POLK: variants seen among roughly 807,000 people sequenced by gnomAD.
POLK encodes the protein polymerase (DNA directed) kappa.
In POLK, 76 loss-of-function variants were observed where a neutral mutation model predicts 94.0. The observed-to-expected ratio is 0.81, with a 90% CI of 0.67 to 0.98. The LOEUF is 0.98. POLK is among the 50% of genes least tolerant of loss of function. The pLI is 0.00. For missense variants in POLK, 954 were observed against 1,010.1 expected, an observed-to-expected ratio of 0.94 and a Z score of 0.75; for synonymous variants, 349 against 325.4, an observed-to-expected ratio of 1.07 and a Z score of -0.78.
chr5:75,564,537 C>G (rs1044804417), intron 3 of POLK, among the ~76,000 whole-genome samples: 1 of 152,120 alleles, frequency 6.6e-6, no homozygotes, highest in African/African-American at 2.4e-5. Context: ...CCGGTTTTTC[C>G]TTTCCATATT....
chr5:75,513,945 A>T (rs1472212482), intron 1 of POLK, among the ~76,000 whole-genome samples: 5 of 152,014 alleles, frequency 3.3e-5, no homozygotes, highest in African/African-American at 1.2e-4. Context: ...TATCAGTAGA[A>T]TCCTCTTGAT....
rs570085435 is a variant in POLK at position 75,558,144 on chromosome 5, T to G, written c.255+5553T>G. ...TGTTCATTGATGGCATACAGGAAAG[T>G]GATTGACTTTTGTATATTAACCTTA... On this transcript the variant is annotated intron_variant, in intron 3 of 14. Transcript: ENST00000241436. 4.6e-5 allele frequency among the ~76,000 whole-genome samples: 7 copies of G among 152,252 alleles called. No individual in the cohort carries two copies. In the South Asian group the frequency reaches 1.5e-3, roughly 32 times the overall value.
intron 1 of POLK, among the ~76,000 whole-genome samples, chr5:75,533,722 C>T (rs1255169115): frequency 6.6e-6 from 1 of 152,186 alleles, no homozygotes; most frequent in Non-Finnish European, 1.5e-5. Context: ...TATCCATGAG[C>T]ATGGAATATT....
intron 1 of POLK, among the ~76,000 whole-genome samples, chr5:75,522,893 T>C (rs1490747497): frequency 6.6e-6 from 1 of 152,104 alleles, no homozygotes; most frequent in Non-Finnish European, 1.5e-5. Context: ...TTTGGAAGAC[T>C]TCTAAGAAAA....
At chr5:75,603,568 A>G (rs1773349665), downstream of POLK, among the ~76,000 whole-genome samples, 1 of 152,140 alleles carries the variant, frequency 6.6e-6, no homozygotes, top group Non-Finnish European at 1.5e-5. Context: ...ATTTCAAGTT[A>G]TGTGATGTCA....
chr5:75,594,088 C>T, intron 12 of POLK, 39 bp downstream of exon 12: 1 of 1,420,000 alleles, frequency 7.0e-7, no homozygotes, highest in Admixed American at 2.1e-5. Flanking sequence ...CTTAAATCTG[C>T]TAGATTTTCC....
At chr5:75,601,173 C>T (rs1773288664), downstream of POLK, 1 of 152,004 alleles carries the variant, frequency 6.6e-6, no homozygotes, top group Admixed American at 6.6e-5. Flanking sequence ...TGATATTTTC[C>T]TCCAACTCTG....
rs111536411 is a variant in POLK, at chr5:75,581,136, T to C, written c.695-73T>C. 8,953 of 1,061,788 alleles carry C rather than the reference T, an allele frequency of 8.4e-3. 58 individuals carry two copies. Among genetic ancestry groups the C allele is most frequent in the South Asian group, 0.012 (800 of 67,090 alleles). 65.8% of individuals were successfully genotyped at this position (1,061,788 alleles called of 1,614,324 possible). On this transcript the variant is annotated intron_variant, in intron 6 of 14. Transcript: ENST00000241436. ...TTTTTGTTTTTGTCTTCAGAAATAATGTAGGGAAACCTAACTTATGAAGTA... is the reference window on the plus strand; with the variant it reads ...TTTTTGTTTTTGTCTTCAGAAATAACGTAGGGAAACCTAACTTATGAAGTA...
chr5:75,587,869 TG>T lies in POLK; in HGVS notation c.1259+813del, dbSNP rs564493986. Among the ~76,000 whole-genome samples, 405 of 152,110 alleles carry T rather than the reference TG, an allele frequency of 2.7e-3. 1 individual carries two copies. The highest frequency in any genetic ancestry group is 3.9e-3 in the Non-Finnish European group (266 of 68,024). On this transcript the variant is annotated intron_variant, in intron 10 of 14. Coordinates refer to ENST00000241436, the Ensembl canonical transcript of POLK. ...AGGTGGAGTTTGCAGTAAGCTGAGA[TG>T]GCACCACTCACTCCACTCCAGCCTA...
chr5:75,554,801 C>T (rs1770526310), intron 3 of POLK, among the ~76,000 whole-genome samples: 1 of 152,116 alleles, frequency 6.6e-6, no homozygotes, highest in Non-Finnish European at 1.5e-5. Flanking sequence ...TAATGGCCTC[C>T]ATCTCCATCC....
At chr5:75,545,978 G>A (rs2112630036) in intron 1 of POLK, among the ~76,000 whole-genome samples, 1 of 152,268 alleles carries the variant, frequency 6.6e-6, no homozygotes, top group South Asian at 2.1e-4. Flanking sequence ...AGCTAGAATG[G>A]AGCATGCAGA....
intron 2 of POLK, 54 bp from the exon 3 acceptor site, chr5:75,552,418 G>C: frequency 6.4e-7 from 1 of 1,573,548 alleles, no homozygotes; most frequent in Admixed American, 1.9e-5. Context: ...TTATACTACA[G>C]TGATGCTTTC....
intron 10 of POLK, among the ~76,000 whole-genome samples, chr5:75,588,438 A>G (rs919942709): frequency 6.6e-6 from 1 of 152,232 alleles, no homozygotes; most frequent in African/African-American, 2.4e-5. Context: ...AAAACAAGTG[A>G]AATTACTACC....
the POLK span, among the ~76,000 whole-genome samples, chr5:75,606,943 A>G: frequency 6.6e-6 from 1 of 152,198 alleles, no homozygotes; most frequent in Non-Finnish European, 1.5e-5. Flanking sequence ...AAATGTAATT[A>G]AAGTGAGGTT....
At chr5:75,574,643 G>T (rs115385014) in intron 5 of POLK, among the ~76,000 whole-genome samples, 1 of 152,082 alleles carries the variant, frequency 6.6e-6, no homozygotes, top group African/African-American at 2.4e-5. Flanking sequence ...TATACCAGGG[G>T]TCTTTAAATT....
chr5:75,572,377 A>C (rs1201882650), intron 4 of POLK, among the ~76,000 whole-genome samples: 1 of 152,162 alleles, frequency 6.6e-6, no homozygotes, highest in African/African-American at 2.4e-5. Flanking sequence ...TTGGCTGACC[A>C]CATAGACCTT....
upstream of POLK, chr5:75,511,453 C>G (rs1426623223): frequency 6.5e-7 from 1 of 1,531,280 alleles, no homozygotes; most frequent in Admixed American, 2.0e-5. Context: ...GCCGCCGCCG[C>G]CGTCGCCGTG....
intron 10 of POLK, 40 bp from the exon 11 acceptor site, chr5:75,590,304 T>C (rs749896758): frequency 1.8e-6 from 2 of 1,100,524 alleles, no homozygotes; most frequent in African/African-American, 1.6e-5. Flanking sequence ...TCCTGGATTA[T>C]AGTTTACTTT....
chr5:75,514,194 ACTT>A (rs1482483125), intron 1 of POLK, among the ~76,000 whole-genome samples: 2 of 152,212 alleles, frequency 1.3e-5, no homozygotes, highest in African/African-American at 4.8e-5. Context: ...GATATAAACC[ACTT>A]CTTCTGTAGA....
Sources: allele counts gnomAD v4.1 joint callset (sites outside exome capture counted in the v4.1 genomes callset), GRCh38; gene constraint gnomAD v4.1.1; transcripts MANE v1.5; gene names NCBI Gene and HGNC (gene_info 2026-07-23, HGNC 2026-07-21).